Variants in TTC23 observed in about 807,000 individuals in gnomAD.
TTC23 encodes tetratricopeptide repeat domain 23.
A neutral mutation model predicts 55.1 loss-of-function variants in TTC23; 58 were observed. That is an observed-to-expected ratio of 1.05 (90% CI 0.85 to 1.31). TTC23 has a LOEUF of 1.31. Among genes scored for constraint, TTC23 ranks in the 50% most tolerant of loss-of-function variants. The probability of loss-of-function intolerance (pLI) is 0.00; values close to 1 mark genes in which losing one functional copy is unlikely to be tolerated. For missense variants in TTC23, 516 were observed against 534.4 expected (o/e 0.97, Z 0.34); for synonymous variants, 203 against 199.9 (o/e 1.02, Z -0.13).
intron 4 of TTC23, among the ~76,000 whole-genome samples, chr15:99,234,661 C>T (rs905800305): frequency 7.2e-5 from 11 of 152,154 alleles, no homozygotes; most frequent in East Asian, 1.9e-4. Flanking sequence ...TGTGAGCCAC[C>T]GCACCTGGCC....
At chr15:99,169,672 T>TA in intron 10 of TTC23, among the ~76,000 whole-genome samples, 1 of 151,732 alleles carries the variant, frequency 6.6e-6, no homozygotes, top group African/African-American at 2.4e-5. Context: ...TCGTGTAAGG[T>TA]AAAAAAGAGG....
Position 99,228,611 on chromosome 15 carries a change from C to A in TTC23, c.102G>T (p.Gln34His). ...HRKKFQNKLL[Q>H]TALFQPPREK... Reference sequence around the variant, plus strand: ...CTCGAGGAGGCTGGAATAGTGCTGTCTGAAGCAGCTTGTTTTGGAACTTCT... The same window carrying A: ...CTCGAGGAGGCTGGAATAGTGCTGTATGAAGCAGCTTGTTTTGGAACTTCT... The change falls in exon 5 of 14, where the codon CAG becomes CAT. Residue 34 changes from glutamine (Q) to histidine (H), a missense_variant. Transcript: ENST00000394132. 6.2e-7 allele frequency: 1 copy of A among 1,614,042 alleles called. No individual in the cohort carries two copies. The highest frequency in any genetic ancestry group is 8.5e-7 in the Non-Finnish European group (1 of 1,179,972).
chr15:99,174,947 G>C, intron 10 of TTC23, 103 bp downstream of exon 10: 1 of 836,202 alleles, frequency 1.2e-6, no homozygotes, highest in Non-Finnish European at 1.9e-6. Context: ...GCTCTGTGGC[G>C]GGCCTGTGTC....
chr15:99,203,989 CCT>C (rs2076407166), intron 8 of TTC23, among the ~76,000 whole-genome samples: 1 of 152,004 alleles, frequency 6.6e-6, no homozygotes, highest in Non-Finnish European at 1.5e-5. Flanking sequence ...ATACTGATTT[CCT>C]TTTTGGGGGG....
At chr15:99,205,602 C>G (rs1244051576) in intron 8 of TTC23, among the ~76,000 whole-genome samples, 1 of 136,804 alleles carries the variant, frequency 7.3e-6, no homozygotes, top group Admixed American at 7.3e-5. Flanking sequence ...TTTTTTTTTT[C>G]CAGATTGCTA....
intron 10 of TTC23, among the ~76,000 whole-genome samples, chr15:99,167,091 C>A (rs1040723474): frequency 6.6e-6 from 1 of 152,090 alleles, no homozygotes; most frequent in South Asian, 2.1e-4. Flanking sequence ...CCTATTACTA[C>A]AGCAAAGGGG....
At chr15:99,233,671 A>G (rs568001046) in intron 4 of TTC23, among the ~76,000 whole-genome samples, 7 of 152,350 alleles carry the variant, frequency 4.6e-5, no homozygotes, top group African/African-American at 1.7e-4. Context: ...CTTTATCTCT[A>G]CGATCAGAAA....
intron 10 of TTC23, among the ~76,000 whole-genome samples, chr15:99,171,848 G>A (rs1451512572): frequency 6.6e-6 from 1 of 151,420 alleles, no homozygotes; most frequent in East Asian, 2.0e-4. Context: ...GGGATTACAG[G>A]TGTGAGCCAC....
At position 99,201,529 on chromosome 15, in the gene TTC23, T is replaced by C. The variant is rs2076199648; in HGVS notation, c.582-1433A>G. Among the ~76,000 whole-genome samples the C allele has an allele frequency of 2.0e-5, 3 of 152,302 alleles. No homozygotes were observed. The South Asian group carries it at 6.2e-4, about 32-fold the overall frequency. The stretch of plus-strand genomic sequence containing the variant: ...GGGTATTTTTCACACCTATTTTTGC[T>C]CTCCAGAGGAATTAACTGATAGAAG... On this transcript the variant is annotated intron_variant, in intron 8 of 13. Coordinates refer to ENST00000394132, the MANE Select transcript of TTC23 (RefSeq NM_001288615.3).
intron 8 of TTC23, among the ~76,000 whole-genome samples, chr15:99,202,986 C>T (rs144003753): frequency 6.6e-6 from 1 of 152,292 alleles, no homozygotes; most frequent in Non-Finnish European, 1.5e-5. Context: ...ATATCTTTTA[C>T]TCTTTCTCCT....
chr15:99,146,671 G>A (rs2623182), intron 12 of TTC23, among the ~76,000 whole-genome samples: 47,794 of 152,152 alleles, frequency 0.31, 8,868 homozygotes, highest in African/African-American at 0.52. Context: ...GAGTTCTGAT[G>A]TTTGAGGAGC....
intron 9 of TTC23, among the ~76,000 whole-genome samples, chr15:99,187,459 AAAAAAAAAACAAAAC>A (rs1268021641): frequency 7.0e-6 from 1 of 142,572 alleles, no homozygotes; most frequent in Admixed American, 6.9e-5. Flanking sequence ...AAGCAAAAAA[AAAAAAAAAACAAAAC>A]AAAAGAAACC....
Position 99,218,954 on chromosome 15 carries a change from G to A in TTC23, c.399C>T (p.Phe133=). Residue 133 remains phenylalanine, a synonymous_variant, in exon 7 of 14, where the codon TTC becomes TTT. Transcript: ENST00000394132. ...VPPYSENTDV[F]KFSIELFHTM... ...TATGGAAAAGCTCAATGGAAAACTT[G>A]AAAACATCTGTATTCTCACTATAGG... 1 of 1,614,160 alleles carries A rather than the reference G, an allele frequency of 6.2e-7. No individual in the cohort carries two copies. The highest frequency in any genetic ancestry group is 8.5e-7 in the Non-Finnish European group (1 of 1,180,010).
chr15:99,154,994 C>G (rs2070342673), intron 12 of TTC23, among the ~76,000 whole-genome samples: 1 of 152,078 alleles, frequency 6.6e-6, no homozygotes, highest in African/African-American at 2.4e-5. Context: ...GGCATAAGAA[C>G]TGGAAAGCAT....
intron 5 of TTC23, 31 bp downstream of exon 5, chr15:99,228,501 GA>G (rs767056001): frequency 1.5e-5 from 24 of 1,559,882 alleles, no homozygotes; most frequent in Non-Finnish European, 1.7e-6. Context: ...TCAATTCTCA[GA>G]GTAGAAATAC....
chr15:99,224,258 T>C (rs1009530377), intron 5 of TTC23, among the ~76,000 whole-genome samples: 6 of 152,178 alleles, frequency 3.9e-5, no homozygotes, highest in African/African-American at 1.4e-4. Context: ...ATTGTCAAAA[T>C]ACAGATAAGC....
At position 99,137,918 on chromosome 15, in the gene TTC23, T is replaced by G. The variant is rs1212907629; in HGVS notation, c.*92A>C. On this transcript the variant is annotated 3_prime_UTR_variant, in exon 14 of 14. Coordinates refer to ENST00000394132, the MANE Select transcript of TTC23 (RefSeq NM_001288615.3). ...TGGCCTTGGAAATCTGTATCCTGAC[T>G]GTTGAATTCCATTTTCTAGGCGGAG... 2 of 1,566,402 alleles carry G rather than the reference T, an allele frequency of 1.3e-6. No individual in the cohort carries two copies.
intron 9 of TTC23, among the ~76,000 whole-genome samples, chr15:99,188,999 T>A (rs1003789143): frequency 2.2e-4 from 34 of 152,214 alleles, no homozygotes; most frequent in African/African-American, 7.9e-4. Context: ...AGTGGTCCCA[T>A]GCCTAGGAAT....
chr15:99,193,686 G>A (rs1258445131), intron 9 of TTC23, among the ~76,000 whole-genome samples: 2 of 152,170 alleles, frequency 1.3e-5, no homozygotes, highest in East Asian at 1.9e-4. Context: ...AACTGGTAGC[G>A]AGACCTTTTT....
Sources: gnomAD v4.1 joint callset for allele counts (sites outside exome capture counted in the v4.1 genomes callset) on GRCh38, gnomAD v4.1.1 for gene constraint, MANE v1.5 for transcripts, NCBI Gene and HGNC (gene_info 2026-07-23, HGNC 2026-07-21) for gene names.